F8: variants seen among roughly 807,000 people sequenced by gnomAD.
The protein encoded by F8 is coagulation factor VIII.
Under a neutral mutation model 140.6 loss-of-function variants are expected in F8, and 12 were observed. The ratio of observed to expected loss-of-function variants is 0.09; its 90% CI spans 0.05 to 0.14. The LOEUF is 0.14. Among genes scored for constraint, F8 ranks in the 10% least tolerant of loss-of-function variants. The pLI, the probability that F8 is intolerant of heterozygous loss-of-function variation, is 1.00. For synonymous variants in F8, 585 were observed against 614.6 expected, an observed-to-expected ratio of 0.95 and a Z score of 0.71; for missense variants, 1,354 against 1,720.7, an observed-to-expected ratio of 0.79 and a Z score of 3.77.
chrX:154,929,902 C>T lies in F8; in HGVS notation c.3888G>A (p.Leu1296=), dbSNP rs1434142081. ...GCTTGGTTTGATTTCCCAAGCCTTC[C>T]AAGTTTTCTTCCTCCCCTTTTTTTG... The part of the protein sequence containing the change: ...HFSKKGEEEN[L]EGLGNQTKQI... The change falls in exon 14 of 26, where the codon TTG becomes TTA. Residue 1296 remains leucine (L), a synonymous_variant. Coordinates refer to ENST00000360256, the MANE Select transcript of F8 (RefSeq NM_000132.4). The T allele has an allele frequency of 2.5e-6, 3 of 1,209,557 alleles. No individual in the cohort carries two copies. The highest frequency in any genetic ancestry group is 3.4e-6 in the Non-Finnish European group (3 of 894,916).
chrX:154,873,475 AC>A (rs1350611255), intron 22 of F8, among the ~76,000 whole-genome samples: 1 of 111,620 alleles, frequency 9.0e-6, no homozygotes, highest in Non-Finnish European at 1.9e-5. Flanking sequence ...TGATCCACCC[AC>A]CTCAGCCTCC....
intron 13 of F8, among the ~76,000 whole-genome samples, chrX:154,944,149 A>C (rs1377151833): frequency 2.7e-5 from 3 of 111,754 alleles, no homozygotes; most frequent in East Asian, 2.8e-4. Context: ...CAATGGCAAC[A>C]AAAGCCAAAA....
At chrX:154,953,751 G>T in intron 12 of F8, 141 bp downstream of exon 12, 1 of 765,185 alleles carries the variant, frequency 1.3e-6, no homozygotes, top group Non-Finnish European at 2.0e-6. Context: ...ACGTGTGTTT[G>T]AGTAAAAATT....
chrX:154,901,276 C>A, intron 20 of F8, 95 bp downstream of exon 20: 1 of 624,518 alleles, frequency 1.6e-6, no homozygotes, highest in Non-Finnish European at 2.7e-6. Flanking sequence ...CTAATAGAAG[C>A]ATGGAGATGG....
At chrX:154,982,462 A>T (rs201350806) in intron 6 of F8, among the ~76,000 whole-genome samples, 16,720 of 93,269 alleles carry the variant, frequency 0.18, 1,631 homozygotes, top group African/African-American at 0.26. Context: ...AAAAAAAAAA[A>T]AAATATATAT....
chrX:154,847,062 T>C (rs1263405246), intron 25 of F8, among the ~76,000 whole-genome samples: 1 of 111,447 alleles, frequency 9.0e-6, no homozygotes, highest in African/African-American at 3.3e-5. Flanking sequence ...TGGCTGGATA[T>C]GAAATTCTGG....
intron 6 of F8, among the ~76,000 whole-genome samples, chrX:154,972,701 G>T (rs59835535): frequency 0.057 from 4,187 of 73,435 alleles, 282 homozygotes; most frequent in African/African-American, 0.22. Context: ...TTTTCTTTCT[G>T]TCTTTCTTTT....
intron 1 of F8, among the ~76,000 whole-genome samples, chrX:155,021,373 T>A (rs781853901): frequency 9.0e-6 from 1 of 111,381 alleles, no homozygotes; most frequent in African/African-American, 3.3e-5. Context: ...ACATTTAATG[T>A]TTACACAGCC....
chrX:154,977,209 A>G (rs1417483647), intron 6 of F8: 1 of 112,022 alleles, frequency 8.9e-6, no homozygotes, highest in Non-Finnish European at 1.9e-5. Context: ...CATCATTTAC[A>G]TCTTTTTATA....
chrX:154,880,152 G>A (rs2072849495), intron 22 of F8, among the ~76,000 whole-genome samples: 1 of 112,056 alleles, frequency 8.9e-6, no homozygotes, highest in Non-Finnish European at 1.9e-5. Flanking sequence ...TAAAACATCT[G>A]TTCAAACAAA....
At chrX:154,941,661 C>T (rs1276781719) in intron 13 of F8, among the ~76,000 whole-genome samples, 4 of 110,627 alleles carry the variant, frequency 3.6e-5, no homozygotes, top group Admixed American at 9.6e-5. Flanking sequence ...CTGCACCAAG[C>T]GGACCTAATA....
At chrX:154,965,302 C>T (rs782817076) in intron 9 of F8, among the ~76,000 whole-genome samples, 1 of 111,723 alleles carries the variant, frequency 9.0e-6, no homozygotes, top group South Asian at 3.7e-4. Context: ...TATCTAAAAA[C>T]CAGTGTTCTT....
intron 13 of F8, among the ~76,000 whole-genome samples, chrX:154,941,112 G>A (rs1218159996): frequency 9.0e-6 from 1 of 111,719 alleles, no homozygotes; most frequent in Non-Finnish European, 1.9e-5. Flanking sequence ...ATCAACTAAC[G>A]AGCAAAATAA....
At chrX:155,017,639 C>T (rs782679636) in intron 1 of F8, among the ~76,000 whole-genome samples, 122 of 111,869 alleles carry the variant, frequency 1.1e-3, no homozygotes, top group Non-Finnish European at 1.7e-3. Flanking sequence ...TAAATATATA[C>T]AACTTTTATT....
chrX:154,838,520 C>T (rs2148556009), intron 25 of F8, among the ~76,000 whole-genome samples: 1 of 111,933 alleles, frequency 8.9e-6, no homozygotes, highest in African/African-American at 3.2e-5. Flanking sequence ...AATGTCCTAC[C>T]ATAATGCATG....
At chrX:154,847,664 T>G (rs1460340377) in intron 25 of F8, among the ~76,000 whole-genome samples, 7 of 111,706 alleles carry the variant, frequency 6.3e-5, no homozygotes, top group Non-Finnish European at 1.3e-4. Context: ...TCTATACTGG[T>G]TATTCTAGTT....
At chrX:154,993,184 T>C in intron 3 of F8, 36 bp from the exon 4 acceptor site, 5 of 1,094,054 alleles carry the variant, frequency 4.6e-6, no homozygotes, top group Non-Finnish European at 6.3e-6. Flanking sequence ...CCTTTCTATA[T>C]CCACTGTACA....
chrX:154,863,090 A>G lies in F8; in HGVS notation c.6567T>C (p.Asp2189=), dbSNP rs2072705619. The G allele has an allele frequency of 2.5e-6, 3 of 1,209,298 alleles. No individual in the cohort carries two copies. The Admixed American group carries it at 6.6e-5, about 26-fold the overall frequency. ...GGATGACTTGGCACTTACTATTTAA[A>G]TCACAGCCCATCAACTCCATGCGAA... ...STLRMELMGC[D]LNSCSMPLGM... is the part of the protein sequence containing the mutation. Residue 2189 remains aspartate (D), a synonymous_variant, in exon 23 of 26, where the codon GAT becomes GAC. Coordinates refer to ENST00000360256, the MANE Select transcript of F8 (RefSeq NM_000132.4).
intron 22 of F8, among the ~76,000 whole-genome samples, chrX:154,893,158 T>TC (rs1483334097): frequency 8.0e-5 from 9 of 112,083 alleles, no homozygotes; most frequent in African/African-American, 2.9e-4. Flanking sequence ...AAGCCCCGCC[T>TC]CGCTTCCAGT....
Sources: gnomAD v4.1 joint callset for allele counts (sites outside exome capture counted in the v4.1 genomes callset) on GRCh38, gnomAD v4.1.1 for gene constraint, MANE v1.5 for transcripts, NCBI Gene and HGNC (gene_info 2026-07-23, HGNC 2026-07-21) for gene names.